The following MYO5B variants were observed in gnomAD, a reference collection of about 807,000 sequenced individuals.
MYO5B encodes unconventional myosin-Vb.
Under a neutral mutation model 229.3 loss-of-function variants are expected in MYO5B, and 143 were observed. The ratio of observed to expected loss-of-function variants is 0.62; its 90% CI spans 0.54 to 0.72. MYO5B has a LOEUF of 0.72. Among genes scored for constraint, MYO5B ranks in the 30% least tolerant of loss-of-function variants. The probability of loss-of-function intolerance (pLI) is 0.00; values close to 1 mark genes in which losing one functional copy is unlikely to be tolerated. For missense variants in MYO5B, 2,321 were observed against 2,331.0 expected, an observed-to-expected ratio of 1.00 and a Z score of 0.09; for synonymous variants, 918 against 885.2, an observed-to-expected ratio of 1.04 and a Z score of -0.66.
At chr18:49,985,690 A>G (rs2025863135) in intron 7 of MYO5B, among the ~76,000 whole-genome samples, 2 of 152,144 alleles carry the variant, frequency 1.3e-5, no homozygotes, top group South Asian at 2.1e-4. Flanking sequence ...CTCTAAGTGT[A>G]TAACGTTTGG....
chr18:50,051,158 A>G (rs1167439753), intron 2 of MYO5B, among the ~76,000 whole-genome samples: 1 of 152,240 alleles, frequency 6.6e-6, no homozygotes, highest in Admixed American at 6.5e-5. Flanking sequence ...ATGTTTAACA[A>G]TGTTTTTAAT....
chr18:49,904,635 A>T (rs774353697), intron 20 of MYO5B, 37 bp downstream of exon 20: 6 of 1,613,706 alleles, frequency 3.7e-6, no homozygotes, highest in Non-Finnish European at 4.2e-6. Flanking sequence ...TTTAGTTCTG[A>T]ATCTGCAGCC....
At chr18:49,927,427 AAAAACAAAAAAACAAAAC>A (rs141116627) in intron 17 of MYO5B, among the ~76,000 whole-genome samples, 6,304 of 152,136 alleles carry the variant, frequency 0.041, 325 homozygotes, top group East Asian at 0.15. Context: ...CAAGACTAGC[AAAAACAAAAAAACAAAAC>A]AAAACAAAAC....
At chr18:49,923,236 G>T (rs1383787702) in intron 17 of MYO5B, among the ~76,000 whole-genome samples, 1 of 152,204 alleles carries the variant, frequency 6.6e-6, no homozygotes, top group African/African-American at 2.4e-5. Flanking sequence ...TCCTGCACTT[G>T]CACTACAACC....
intron 4 of MYO5B, among the ~76,000 whole-genome samples, chr18:50,022,722 T>C (rs114909599): frequency 1.3e-3 from 192 of 152,296 alleles, no homozygotes; most frequent in African/African-American, 4.5e-3. Flanking sequence ...GAATTCAGGA[T>C]GTAAAGTGAC....
At chr18:49,910,258 T>G (rs1327439490) in intron 18 of MYO5B, among the ~76,000 whole-genome samples, 1 of 152,032 alleles carries the variant, frequency 6.6e-6, no homozygotes, top group Non-Finnish European at 1.5e-5. Context: ...TCAGCCAGTC[T>G]GATCCGGGTC....
chr18:50,116,471 T>G (rs570843283), intron 1 of MYO5B, among the ~76,000 whole-genome samples: 1 of 152,110 alleles, frequency 6.6e-6, no homozygotes, highest in Non-Finnish European at 1.5e-5. Flanking sequence ...TAACTTTGCC[T>G]ACCCAAACTG....
At chr18:49,863,127 G>T in intron 29 of MYO5B, 100 bp downstream of exon 29, 1 of 881,958 alleles carries the variant, frequency 1.1e-6, no homozygotes. Context: ...CTCTGATGCT[G>T]AGCACATGGT....
chr18:49,944,566 C>G (rs186244931), intron 14 of MYO5B, among the ~76,000 whole-genome samples: 82 of 152,200 alleles, frequency 5.4e-4, no homozygotes, highest in Non-Finnish European at 3.5e-4. Flanking sequence ...GACCCTGCAA[C>G]TTGATAGCCG....
At chr18:49,918,831 A>T (rs2025045304) in intron 17 of MYO5B, among the ~76,000 whole-genome samples, 1 of 152,218 alleles carries the variant, frequency 6.6e-6, no homozygotes, top group African/African-American at 2.4e-5. Context: ...GCAGAGAAAT[A>T]GATGATTCTG....
chr18:49,944,626 T>C (rs1787293), intron 14 of MYO5B, among the ~76,000 whole-genome samples: 89,047 of 151,770 alleles, frequency 0.59, 26,597 homozygotes, highest in Middle Eastern at 0.73. Flanking sequence ...ACTTGCTCAT[T>C]TATATAAATG....
At chr18:50,068,198 T>C (rs1020630969) in intron 1 of MYO5B, among the ~76,000 whole-genome samples, 1 of 152,228 alleles carries the variant, frequency 6.6e-6, no homozygotes, top group African/African-American at 2.4e-5. Context: ...ATAAAGCTTT[T>C]GTCAAATATG....
chr18:49,911,018 G>T (rs2144159159), intron 18 of MYO5B, among the ~76,000 whole-genome samples: 1 of 152,364 alleles, frequency 6.6e-6, no homozygotes, highest in Non-Finnish European at 1.5e-5. Context: ...GCTGTCAGGT[G>T]TGAGTTCAAA....
intron 17 of MYO5B, among the ~76,000 whole-genome samples, chr18:49,927,169 G>A (rs1038374413): frequency 1.3e-5 from 2 of 152,146 alleles, no homozygotes; most frequent in African/African-American, 2.4e-5. Flanking sequence ...AACCAAGGAG[G>A]TGAAAGACCT....
At chr18:49,848,908 G>C (rs1321774316) in intron 32 of MYO5B, among the ~76,000 whole-genome samples, 3 of 152,064 alleles carry the variant, frequency 2.0e-5, no homozygotes, top group Non-Finnish European at 4.4e-5. Flanking sequence ...ACTGTGATCA[G>C]GGTTGTGCCC....
intron 9 of MYO5B, among the ~76,000 whole-genome samples, chr18:49,978,745 A>ACACACACAC (rs1871979069): frequency 7.2e-6 from 1 of 138,336 alleles, no homozygotes; most frequent in African/African-American, 2.7e-5. Context: ...ACACACACAC[A>ACACACACAC]AAATGCTCAG....
chr18:49,951,430 A>C (rs2025429835), intron 14 of MYO5B, among the ~76,000 whole-genome samples: 1 of 152,160 alleles, frequency 6.6e-6, no homozygotes, highest in Non-Finnish European at 1.5e-5. Context: ...TTTTTCACTA[A>C]GTTCCATGAG....
chr18:49,885,954 T>C (rs909448496), intron 22 of MYO5B, among the ~76,000 whole-genome samples: 4 of 152,198 alleles, frequency 2.6e-5, no homozygotes, highest in Admixed American at 2.0e-4. Flanking sequence ...CACCCTTTTT[T>C]TTGAGACAAG....
intron 1 of MYO5B, among the ~76,000 whole-genome samples, chr18:50,063,564 C>T (rs12963690): frequency 6.6e-6 from 1 of 152,100 alleles, no homozygotes; most frequent in African/African-American, 2.4e-5. Flanking sequence ...ACTGAGCAAC[C>T]TCGGGGGAGA....
Sources: allele counts gnomAD v4.1 joint callset (sites outside exome capture counted in the v4.1 genomes callset), GRCh38; gene constraint gnomAD v4.1.1; transcripts MANE v1.5; gene names NCBI Gene and HGNC (gene_info 2026-07-23, HGNC 2026-07-21).